The following ADGRB1 variants were observed in gnomAD, a reference collection of about 807,000 sequenced individuals.
ADGRB1 encodes the protein brain-specific angiogenesis inhibitor 1.
In ADGRB1, 36 loss-of-function variants were observed where a neutral mutation model predicts 175.7. The ratio of observed to expected loss-of-function variants is 0.20; its 90% confidence interval spans 0.16 to 0.27. The LOEUF (loss-of-function observed/expected upper bound fraction) is 0.27. Ranked by LOEUF, ADGRB1 falls within the 10% of genes least tolerant of loss-of-function variation. ADGRB1 has a pLI of 1.00. For synonymous variants in ADGRB1, 1,054 were observed against 979.4 expected, an observed-to-expected ratio of 1.08 and a Z score of -1.42; for missense variants, 1,731 against 2,255.3, an observed-to-expected ratio of 0.77 and a Z score of 4.71.
chr8:142,541,620 G>C (rs991018858), intron 27 of ADGRB1, among the ~76,000 whole-genome samples: 1 of 152,222 alleles, frequency 6.6e-6, no homozygotes, highest in Non-Finnish European at 1.5e-5. Context: ...GGGAGTCAAG[G>C]CCGCCCTCGC....
chr8:142,505,409 G>C (rs1247589838), intron 17 of ADGRB1, among the ~76,000 whole-genome samples: 3 of 152,196 alleles, frequency 2.0e-5, no homozygotes, highest in African/African-American at 7.2e-5. Context: ...CTGGGCCCAG[G>C]TCCTTCCCCA....
At chr8:142,476,779 A>G (rs1841001918) in intron 4 of ADGRB1, 84 bp downstream of exon 4, 1 of 1,302,202 alleles carries the variant, frequency 7.7e-7, no homozygotes, top group East Asian at 2.5e-5. Context: ...TATGGGTAGT[A>G]ACTTGAATAA....
intron 19 of ADGRB1, 140 bp downstream of exon 19, chr8:142,518,381 C>T (rs565936956): frequency 9.5e-5 from 79 of 830,024 alleles, no homozygotes; most frequent in South Asian, 4.5e-4. Flanking sequence ...GCATTTGCCA[C>T]GGAACCAGCC....
chr8:142,500,479 G>A (rs866601226), intron 17 of ADGRB1, among the ~76,000 whole-genome samples: 13 of 150,066 alleles, frequency 8.7e-5, no homozygotes, highest in South Asian at 8.4e-4. Context: ...TCGTGGGGGC[G>A]AGGGCATGTG....
At chr8:142,524,440 CA>C (rs1254892556) in intron 23 of ADGRB1, 136 bp downstream of exon 23, 2 of 1,026,438 alleles carry the variant, frequency 1.9e-6, no homozygotes, top group East Asian at 2.6e-5. Flanking sequence ...CCCTCATCAC[CA>C]GGGGGTGGGG....
At chr8:142,523,118 C>T (rs1587408016) in intron 22 of ADGRB1, among the ~76,000 whole-genome samples, 2 of 152,328 alleles carry the variant, frequency 1.3e-5, no homozygotes, top group East Asian at 1.9e-4. Context: ...AGGCCTGTGG[C>T]AGGCAGGGCA....
chr8:142,462,876 G>A (rs554099575), intron 1 of ADGRB1, among the ~76,000 whole-genome samples: 13 of 152,330 alleles, frequency 8.5e-5, no homozygotes, highest in African/African-American at 2.6e-4. Context: ...GGTCCACAGC[G>A]AGGTGGATGC....
chr8:142,484,517 A>C, intron 12 of ADGRB1, 139 bp from the exon 13 acceptor site: 1 of 833,344 alleles, frequency 1.2e-6, no homozygotes, highest in Non-Finnish European at 1.8e-6. Context: ...AAAGTGGGGT[A>C]CTCAGAGGTC....
At chr8:142,507,614 G>C (rs1370130326) in intron 17 of ADGRB1, among the ~76,000 whole-genome samples, 1 of 152,242 alleles carries the variant, frequency 6.6e-6, no homozygotes, top group Admixed American at 6.5e-5. Context: ...CCCAGGCAGT[G>C]GTGGACAGCT....
Position 142,537,150 on chromosome 8 carries a change from C to A in ADGRB1, c.3666+68C>A. 8.0e-7 allele frequency: 1 copy of A among 1,249,872 alleles called. No individual in the cohort carries two copies. The highest frequency in any genetic ancestry group is 1.1e-6 in the Non-Finnish European group (1 of 947,736). 77.4% of individuals were successfully genotyped at this position (1,249,872 alleles called of 1,614,324 possible). On this transcript the variant is annotated intron_variant, in intron 26 of 30. Transcript: ENST00000517894. The surrounding 1 kb of genome is among the most constrained non-coding windows in gnomAD (Gnocchi z 4.6). The stretch of plus-strand genomic sequence containing the variant: ...CGTACCCCCGCCAAGTGCCTCCAGG[C>A]CCTCACCGTGCCCCAAGCTCCCCTA...
intron 17 of ADGRB1, among the ~76,000 whole-genome samples, chr8:142,503,496 T>C (rs1004145172): frequency 1.3e-5 from 2 of 152,018 alleles, no homozygotes; most frequent in African/African-American, 4.8e-5. Flanking sequence ...GTCTGGGCAG[T>C]GGCCCCCTGC....
chr8:142,520,388 T>G (rs1843731642), intron 19 of ADGRB1, among the ~76,000 whole-genome samples: 7 of 115,564 alleles, frequency 6.1e-5, no homozygotes, highest in African/African-American at 9.9e-5. Context: ...GTGGTGATGG[T>G]AGTGATTGTG....
At chr8:142,480,614 C>G (rs1474403594) in intron 9 of ADGRB1, among the ~76,000 whole-genome samples, 1 of 152,216 alleles carries the variant, frequency 6.6e-6, no homozygotes, top group Non-Finnish European at 1.5e-5. Flanking sequence ...GGCAGGGTCT[C>G]CCAGTGCCGC....
intron 6 of ADGRB1, 98 bp downstream of exon 6, chr8:142,477,647 C>T: frequency 7.0e-7 from 1 of 1,427,320 alleles, no homozygotes. Flanking sequence ...TTTGCCCACT[C>T]CAGACCCACC....
rs1427101841 is a variant in ADGRB1 at position 142,492,085 on chromosome 8, C to T, written c.2675+1270C>T. Among the ~76,000 whole-genome samples, 5 of 152,010 alleles carry T rather than the reference C, an allele frequency of 3.3e-5. No homozygotes were observed. Among genetic ancestry groups the T allele is most frequent in the African/African-American group, 1.2e-4 (5 of 41,388 alleles). ...CCTACCCACCACCCATCCACCCTCT[C>T]CTCTGTCTGCCTGTTCTTTAATCTA... On this transcript the variant is annotated intron_variant, in intron 17 of 30. Transcript: ENST00000517894. This position sits in a 1 kb window ranked among gnomAD's most constrained non-coding sequence, Gnocchi z 4.4.
chr8:142,535,145 G>A (rs1395816476), intron 25 of ADGRB1, among the ~76,000 whole-genome samples: 7 of 152,292 alleles, frequency 4.6e-5, no homozygotes, highest in Admixed American at 2.0e-4. Context: ...TAGAAAAGAC[G>A]GAAATTGGAG....
intron 18 of ADGRB1, among the ~76,000 whole-genome samples, chr8:142,513,453 C>T (rs775800896): frequency 1.3e-5 from 2 of 152,214 alleles, no homozygotes; most frequent in Non-Finnish European, 2.9e-5. Context: ...GGCTGGCCCC[C>T]TTGATGCTGG....
chr8:142,488,326 C>A, intron 13 of ADGRB1, 38 bp from the exon 14 acceptor site: 1 of 1,610,232 alleles, frequency 6.2e-7, no homozygotes, highest in Non-Finnish European at 8.5e-7. Flanking sequence ...GTGACTTTCC[C>A]TCCTCTCTGT....
chr8:142,531,570 G>C (rs1311578130), intron 24 of ADGRB1, among the ~76,000 whole-genome samples: 3 of 152,316 alleles, frequency 2.0e-5, no homozygotes, highest in African/African-American at 7.2e-5. Context: ...GGCTATTAGA[G>C]CCCATCCTAT....
Sources: gnomAD v4.1 joint callset for allele counts (sites outside exome capture counted in the v4.1 genomes callset) on GRCh38, gnomAD v4.1.1 for gene constraint, Gnocchi (gnomAD v3.1) non-coding constraint, MANE v1.5 for transcripts, NCBI Gene and HGNC (gene_info 2026-07-23, HGNC 2026-07-21) for gene names.